Variants in HSPA4L observed in about 807,000 individuals in gnomAD.
HSPA4L encodes the protein heat shock protein family A (Hsp70) member 4 like.
HSPA4L carries 48 observed loss-of-function variants against 100.3 expected under a neutral mutation model. The observed-to-expected ratio is 0.48, with a 90% confidence interval of 0.38 to 0.61. The LOEUF is 0.61. HSPA4L is among the 20% of genes least tolerant of loss of function. The pLI is 0.00. For synonymous variants in HSPA4L, 319 were observed against 328.2 expected, an observed-to-expected ratio of 0.97 and a Z score of 0.30; for missense variants, 886 against 988.6, an observed-to-expected ratio of 0.90 and a Z score of 1.39.
chr4:127,824,182 T>C (rs753880636), intron 16 of HSPA4L, among the ~76,000 whole-genome samples: 1 of 152,234 alleles, frequency 6.6e-6, no homozygotes. Flanking sequence ...TTTACTTCTT[T>C]TTAAGGCTGA....
Position 127,827,730 on chromosome 4 carries a change from A to G in HSPA4L, c.2166+306A>G, listed in dbSNP as rs985406225. The stretch of plus-strand genomic sequence containing the variant: ...GAGATTTCATTTTTATGTTTTTCAT[A>G]TAGTGAAAAAGAGGACCTCTTTGAC... On this transcript the variant is annotated intron_variant, in intron 17 of 18. Coordinates refer to ENST00000296464, the MANE Select transcript of HSPA4L (RefSeq NM_014278.4). 8.2e-4 allele frequency among the ~76,000 whole-genome samples: 125 copies of G among 152,214 alleles called. 1 individual carries two copies. The highest frequency in any genetic ancestry group is 6.8e-3 in the Middle Eastern group (2 of 294).
At chr4:127,830,385 A>G (rs1007357105) in intron 17 of HSPA4L, among the ~76,000 whole-genome samples, 7 of 152,214 alleles carry the variant, frequency 4.6e-5, no homozygotes, top group Non-Finnish European at 7.4e-5. Context: ...TGCTTTCTCC[A>G]TGAGTATTCC....
At chr4:127,811,354 T>TA in intron 11 of HSPA4L, 83 bp from the exon 12 acceptor site, 1 of 1,053,438 alleles carries the variant, frequency 9.5e-7, no homozygotes, top group Non-Finnish European at 1.4e-6. Context: ...GCCAACATCT[T>TA]AAAGATGATA....
intron 2 of HSPA4L, 71 bp downstream of exon 2, chr4:127,794,205 G>C: frequency 8.3e-7 from 1 of 1,202,884 alleles, no homozygotes; most frequent in African/African-American, 1.5e-5. Context: ...AGTTCCTTAA[G>C]TTATATTGTT....
rs765479412 is a variant in HSPA4L, at chr4:127,803,730, T to C, written c.765T>C (p.Asn255=). ...AGTTCAAGACCAAATATAAGATAAATGTGAAAGAAAACTCTCGGGCCTTGT... is the reference window on the plus strand; with the variant it reads ...AGTTCAAGACCAAATATAAGATAAACGTGAAAGAAAACTCTCGGGCCTTGT... ...CDEFKTKYKI[N]VKENSRALLR... Residue 255 remains asparagine, a synonymous_variant, in exon 7 of 19, where the codon AAT becomes AAC. Transcript: ENST00000296464. 1.9e-6 allele frequency: 3 copies of C among 1,613,780 alleles called. No individual in the cohort carries two copies. Among genetic ancestry groups the C allele is most frequent in the Admixed American group, 3.3e-5 (2 of 59,972 alleles).
Position 127,820,456 on chromosome 4 carries a change from T to C in HSPA4L, c.1703T>C (p.Leu568Ser), listed in dbSNP as rs142742120. Reference sequence around the variant, plus strand: ...GCTGTCTCAGACAAACAAGACCGATTAAATCAGACACTTAAAAAAGGAAAA... The same window carrying C: ...GCTGTCTCAGACAAACAAGACCGATCAAATCAGACACTTAAAAAAGGAAAA... ...KSAVSDKQDR[L>S]NQTLKKGKVK... Residue 568 changes from leucine to serine, a missense_variant, in exon 14 of 19, where the codon TTA becomes TCA. Coordinates refer to ENST00000296464, the MANE Select transcript of HSPA4L (RefSeq NM_014278.4). 2,445 of 1,603,210 alleles carry C rather than the reference T, an allele frequency of 1.5e-3. 8 individuals are homozygous for C. The highest frequency in any genetic ancestry group is 2.0e-3 in the Non-Finnish European group (2,295 of 1,176,020).
chr4:127,814,356 A>G (rs914227776), intron 12 of HSPA4L, among the ~76,000 whole-genome samples: 1 of 152,166 alleles, frequency 6.6e-6, no homozygotes, highest in African/African-American at 2.4e-5. Flanking sequence ...AGCTAACATT[A>G]TGGATCATAT....
chr4:127,813,667 C>G (rs1733600880), intron 12 of HSPA4L, among the ~76,000 whole-genome samples: 1 of 152,078 alleles, frequency 6.6e-6, no homozygotes, highest in African/African-American at 2.4e-5. Context: ...TTGTTTGAGA[C>G]AGTCTCGCTC....
At position 127,811,579 on chromosome 4, in the gene HSPA4L, C is replaced by T. The variant is rs1384641168; in HGVS notation, c.1521C>T (p.His507=). The T allele has an allele frequency of 1.2e-6, 2 of 1,613,872 alleles. No homozygotes were observed. Among genetic ancestry groups the T allele is most frequent in the Non-Finnish European group, 1.7e-6 (2 of 1,179,944 alleles). Residue 507 remains histidine (H), a synonymous_variant, in exon 12 of 19, where the codon CAC becomes CAT. Transcript: ENST00000296464. ...VIEKQNLEGD[H]SDAPMETETS... The stretch of plus-strand genomic sequence containing the variant: ...AGAAGCAAAATTTGGAAGGCGATCA[C>T]AGTGATGCTCCAATGGAGACAGAAA...
intron 1 of HSPA4L, among the ~76,000 whole-genome samples, chr4:127,789,415 G>C (rs1246666518): frequency 1.3e-5 from 2 of 152,212 alleles, no homozygotes; most frequent in Non-Finnish European, 2.9e-5. Context: ...GGGAGGCTGA[G>C]GCGGGCAGAT....
Position 127,801,467 on chromosome 4 carries a change from G to A in HSPA4L, c.529+230G>A, listed in dbSNP as rs1162337032. Among the ~76,000 whole-genome samples the A allele has an allele frequency of 3.5e-3, 69 of 19,684 alleles. 1 individual carries two copies. The highest frequency in any genetic ancestry group is 7.8e-3 in the African/African-American group (67 of 8,620). 12.9% of individuals were successfully genotyped at this position (19,684 alleles called of 152,430 possible). ...GATATATATAAAAATACGTGTGTGT[G>A]TGTGTGTGTGTGTGTGTGTGTGTGT... On this transcript the variant is annotated intron_variant, in intron 5 of 18. Coordinates refer to ENST00000296464, the MANE Select transcript of HSPA4L (RefSeq NM_014278.4).
chr4:127,807,030 C>G (rs1372719369), intron 10 of HSPA4L, among the ~76,000 whole-genome samples: 1 of 151,450 alleles, frequency 6.6e-6, no homozygotes, highest in Non-Finnish European at 1.5e-5. Flanking sequence ...TATAAGTGAT[C>G]CAGAAAAAAA....
chr4:127,818,108 A>G (rs1733719354), intron 12 of HSPA4L, among the ~76,000 whole-genome samples: 1 of 151,968 alleles, frequency 6.6e-6, no homozygotes, highest in Admixed American at 6.6e-5. Context: ...AGCCATAGAT[A>G]AACAAGATTT....
intron 1 of HSPA4L, among the ~76,000 whole-genome samples, chr4:127,789,224 C>T (rs1302836085): frequency 6.6e-6 from 1 of 152,210 alleles, no homozygotes; most frequent in African/African-American, 2.4e-5. Context: ...TTATGCCCCT[C>T]TCCTACTAAA....
intron 18 of HSPA4L, among the ~76,000 whole-genome samples, chr4:127,831,343 A>C (rs965156794): frequency 6.6e-6 from 1 of 151,990 alleles, no homozygotes. Flanking sequence ...TCTACAAAAA[A>C]TACAAAAATT....
At chr4:127,789,514 G>A (rs1732811953) in intron 1 of HSPA4L, among the ~76,000 whole-genome samples, 1 of 152,078 alleles carries the variant, frequency 6.6e-6, no homozygotes, top group Admixed American at 6.5e-5. Flanking sequence ...CGGGCATGGT[G>A]GCGGGTGCCT....
Position 127,803,874 on chromosome 4 carries a change from G to C in HSPA4L, c.908+1G>C. On this transcript the variant is annotated splice_donor_variant, in intron 7 of 18. Transcript: ENST00000296464. LOFTEE classifies it high-confidence loss of function. ...TTGATGTTTCTAGTAAAATGAACAG[G>C]TACCACGTATGTTTTTAGTTTGAAA... The C allele has an allele frequency of 6.2e-7, 1 of 1,612,354 alleles. No individual in the cohort carries two copies. The highest frequency in any genetic ancestry group is 8.5e-7 in the Non-Finnish European group (1 of 1,179,072).
In HSPA4L at chr4:127,839,211, C is replaced by G. The variant is rs1734305372; in HGVS notation, c.*6337C>G. On this transcript the variant is annotated 3_prime_UTR_variant, in exon 19 of 19. Coordinates refer to ENST00000296464, the MANE Select transcript of HSPA4L (RefSeq NM_014278.4). Reference sequence around the variant, plus strand: ...CATCTTCCTTGTTGTTTTAGAGTTTCCTAAATTTTTTGCTTCTGGGGACTT... The same window carrying G: ...CATCTTCCTTGTTGTTTTAGAGTTTGCTAAATTTTTTGCTTCTGGGGACTT... 1 of 152,100 alleles carries G rather than the reference C, an allele frequency of 6.6e-6. No homozygotes were observed. Among genetic ancestry groups the G allele is most frequent in the Non-Finnish European group, 1.5e-5 (1 of 68,016 alleles). 9.4% of individuals were successfully genotyped at this position (152,100 alleles called of 1,614,324 possible).
At chr4:127,801,939 T>G (rs745848705) in intron 6 of HSPA4L, 21 bp downstream of exon 6, 1 of 1,573,284 alleles carries the variant, frequency 6.4e-7, no homozygotes, top group South Asian at 1.2e-5. Flanking sequence ...ACATGGTTTG[T>G]TATATTTACA....
Sources: gnomAD v4.1 joint callset for allele counts (sites outside exome capture counted in the v4.1 genomes callset) on GRCh38, gnomAD v4.1.1 for gene constraint, MANE v1.5 for transcripts, NCBI Gene and HGNC (gene_info 2026-07-23, HGNC 2026-07-21) for gene names.